OR4K17: variants seen among roughly 807,000 people sequenced by gnomAD.
OR4K17 encodes the protein olfactory receptor family 4 subfamily K member 17, also known as olfactory receptor 4K17.
For synonymous variants in OR4K17, 157 were observed against 132.8 expected (o/e 1.18, Z -1.25); for missense variants, 480 against 366.3 (o/e 1.31, Z -2.53).
rs141368873 is a variant in OR4K17 at position 20,118,286 on chromosome 14, G to T, written c.787G>T (p.Gly263Cys). 1.3e-5 allele frequency: 21 copies of T among 1,613,658 alleles called. No homozygotes were observed. The highest frequency in any genetic ancestry group is 1.8e-5 in the Non-Finnish European group (21 of 1,179,878). ...PCIFIYIWPFGNHSVDKFLAV... is the reference protein window; with the variant it reads ...PCIFIYIWPFCNHSVDKFLAV... Reference sequence around the variant, plus strand: ...CATCTTTATCTACATTTGGCCCTTCGGCAACCACTCTGTAGATAAGTTCCT... The same window carrying T: ...CATCTTTATCTACATTTGGCCCTTCTGCAACCACTCTGTAGATAAGTTCCT... Residue 263 changes from glycine to cysteine, a missense_variant, in exon 2 of 2, where the codon GGC becomes TGC. By Grantham distance (159) the Gly-to-Cys change is radical. Coordinates refer to ENST00000641386, the MANE Select transcript of OR4K17 (RefSeq NM_001004715.5).
At chr14:20,111,507 G>A (rs1458227426) in intron 1 of OR4K17, among the ~76,000 whole-genome samples, 2 of 151,938 alleles carry the variant, frequency 1.3e-5, no homozygotes, top group African/African-American at 4.8e-5. Flanking sequence ...AGAGAACTAG[G>A]CTGCTCCTAA....
At chr14:20,111,190 A>T (rs567243819) in intron 1 of OR4K17, among the ~76,000 whole-genome samples, 63 of 152,154 alleles carry the variant, frequency 4.1e-4, no homozygotes, top group African/African-American at 1.2e-3. Flanking sequence ...AGGCTTAAGT[A>T]TATGCTAGGA....
chr14:20,120,342 T>A lies in OR4K17; in HGVS notation c.*1904T>A, dbSNP rs979238131. The A allele has an allele frequency of 2.6e-5, 4 of 152,330 alleles. No homozygotes were observed. Among genetic ancestry groups the A allele is most frequent in the South Asian group, 4.1e-4 (2 of 4,824 alleles). 9.4% of individuals were successfully genotyped at this position (152,330 alleles called of 1,614,324 possible). On this transcript the variant is annotated 3_prime_UTR_variant, in exon 2 of 2. Transcript: ENST00000641386. Reference sequence around the variant, plus strand: ...TTGTAGCTTCCAAAATAAGAATTCATGAAGATACCTTTATGGTTGTTAATA... The same window carrying A: ...TTGTAGCTTCCAAAATAAGAATTCAAGAAGATACCTTTATGGTTGTTAATA...
rs1594196778 is a variant in OR4K17, at chr14:20,119,004, C to G, written c.*566C>G. 6.6e-6 allele frequency: 1 copy of G among 152,458 alleles called. No individual in the cohort carries two copies. The highest frequency in any genetic ancestry group is 2.4e-5 in the African/African-American group (1 of 41,476). The allele number at this position is 152,458 out of a possible 1,614,324, so 9.4% of individuals were successfully genotyped here. A position where few individuals can be genotyped will look rare whatever the true frequency, so the allele number is the denominator to read the frequency against. On this transcript the variant is annotated 3_prime_UTR_variant, in exon 2 of 2. Transcript: ENST00000641386. Reference sequence around the variant, plus strand: ...TGGGGCTTATTTCATCCCTTATCTACAGCCGTGTAAGACAGACATTGCCAG... The same window carrying G: ...TGGGGCTTATTTCATCCCTTATCTAGAGCCGTGTAAGACAGACATTGCCAG...
At position 20,117,772 on chromosome 14, in the gene OR4K17, A is replaced by G; in HGVS notation, c.273A>G (p.Val91=). 2 of 1,614,034 alleles carry G rather than the reference A, an allele frequency of 1.2e-6. No homozygotes were observed. The highest frequency in any genetic ancestry group is 1.7e-6 in the Non-Finnish European group (2 of 1,179,972). ...VILNLLKKQK[V]ISFAGCFTQI... is the part of the protein sequence containing the mutation. ...TGAACTTGTTAAAAAAGCAGAAGGT[A>G]ATTTCTTTTGCTGGGTGCTTCACTC... The change falls in exon 2 of 2, where the codon GTA becomes GTG. Residue 91 remains valine, a synonymous_variant. Transcript: ENST00000641386.
intron 1 of OR4K17, chr14:20,111,953 G>A (rs17277088): frequency 0.38 from 57,566 of 151,812 alleles, 11,543 homozygotes; most frequent in East Asian, 0.66. Flanking sequence ...AGCAATCCAA[G>A]ATCCACTTTC....
chr14:20,116,549 T>A (rs1032518123), intron 1 of OR4K17, among the ~76,000 whole-genome samples: 1 of 152,166 alleles, frequency 6.6e-6, no homozygotes, highest in Admixed American at 6.6e-5. Flanking sequence ...GTATAAATTG[T>A]TAAACCTGGT....
chr14:20,119,314 C>T lies in OR4K17; in HGVS notation c.*876C>T, dbSNP rs982527343. On this transcript the variant is annotated 3_prime_UTR_variant, in exon 2 of 2. Transcript: ENST00000641386. Reference sequence around the variant, plus strand: ...CCATTAACATAATCATCACAGGGTCCTGAGGCAACATACATCCTCAGCTTA... The same window carrying T: ...CCATTAACATAATCATCACAGGGTCTTGAGGCAACATACATCCTCAGCTTA... 6.6e-6 allele frequency: 1 copy of T among 152,072 alleles called. No homozygotes were observed. The highest frequency in any genetic ancestry group is 1.5e-5 in the Non-Finnish European group (1 of 68,018). The allele number at this position is 152,072 out of a possible 1,614,324, so 9.4% of individuals were successfully genotyped here. A position where few individuals can be genotyped will look rare whatever the true frequency, so the allele number is the denominator to read the frequency against.
chr14:20,117,901 C>T lies in OR4K17; in HGVS notation c.402C>T (p.Thr134=). The T allele has an allele frequency of 6.2e-7, 1 of 1,614,016 alleles. No homozygotes were observed. Among genetic ancestry groups the T allele is most frequent in the Admixed American group, 1.7e-5 (1 of 59,990 alleles). The part of the protein sequence containing the change: ...VAICKPLHYM[T]IMNKKVCVLL... ...TTTGTAAGCCCCTACACTACATGACCATCATGAACAAGAAGGTATGTGTTT... is the reference window on the plus strand; with the variant it reads ...TTTGTAAGCCCCTACACTACATGACTATCATGAACAAGAAGGTATGTGTTT... The change falls in exon 2 of 2, where the codon ACC becomes ACT. Residue 134 remains threonine, a synonymous_variant. Transcript: ENST00000641386.
At position 20,117,765 on chromosome 14, in the gene OR4K17, A is replaced by G. The variant is rs61733476; in HGVS notation, c.266A>G (p.Gln89Arg). 1.0e-2 allele frequency: 16,122 copies of G among 1,614,136 alleles called. 102 individuals are homozygous for G. Among genetic ancestry groups the G allele is most frequent in the Middle Eastern group, 0.022 (132 of 6,062 alleles). ...GTGATTCTGAACTTGTTAAAAAAGC[A>G]GAAGGTAATTTCTTTTGCTGGGTGC... Reference protein sequence around the residue: ...PKVILNLLKKQKVISFAGCFT... With the variant: ...PKVILNLLKKRKVISFAGCFT... The change falls in exon 2 of 2, where the codon CAG (glutamine) becomes CGG (arginine). Residue 89 changes from glutamine to arginine, a missense_variant. Physicochemically the swap from Gln to Arg is conservative, Grantham distance 43 (BLOSUM62 1). Transcript: ENST00000641386.
In OR4K17 at chr14:20,118,314, C is replaced by T. The variant is rs757227453; in HGVS notation, c.815C>T (p.Ala272Val). The T allele has an allele frequency of 6.2e-7, 1 of 1,613,186 alleles. No homozygotes were observed. Among genetic ancestry groups the T allele is most frequent in the South Asian group, 1.1e-5 (1 of 91,058 alleles). Residue 272 changes from alanine (A) to valine (V), a missense_variant, in exon 2 of 2, where the codon GCT becomes GTT. Transcript: ENST00000641386. ...AACCACTCTGTAGATAAGTTCCTTG[C>T]TGTGTTTTATACCATCATCACTCCT... ...FGNHSVDKFL[A>V]VFYTIITPIL...
chr14:20,115,337 A>T (rs1470141412), intron 1 of OR4K17, among the ~76,000 whole-genome samples: 1 of 152,112 alleles, frequency 6.6e-6, no homozygotes, highest in Non-Finnish European at 1.5e-5. Flanking sequence ...TTGTGGCATT[A>T]TTCAATATTT....
intron 1 of OR4K17, among the ~76,000 whole-genome samples, chr14:20,112,516 T>C (rs532287939): frequency 6.6e-6 from 1 of 152,156 alleles, no homozygotes; most frequent in African/African-American, 2.4e-5. Context: ...CAGAGTCACA[T>C]GGTGATGATA....
chr14:20,117,433 C>G, intron 1 of OR4K17, 35 bp from the exon 2 acceptor site: 1 of 1,605,490 alleles, frequency 6.2e-7, no homozygotes, highest in Non-Finnish European at 8.5e-7. Flanking sequence ...CACTCATACT[C>G]CATGGTATGA....
chr14:20,116,622 C>A (rs1877998880), intron 1 of OR4K17, among the ~76,000 whole-genome samples: 1 of 152,046 alleles, frequency 6.6e-6, no homozygotes, highest in Non-Finnish European at 1.5e-5. Flanking sequence ...AAGCAAGAAT[C>A]AAGACATTAG....
Position 20,118,524 on chromosome 14 carries a change from C to T in OR4K17, c.*86C>T. ...GGGAGGAATATCAGGGGAACCAGCC[C>T]CCAATATTTCAACATAGGTTCTTTT... is the stretch of plus-strand genomic sequence containing the variant. On this transcript the variant is annotated 3_prime_UTR_variant, in exon 2 of 2. Transcript: ENST00000641386. 2.8e-6 allele frequency: 2 copies of T among 724,486 alleles called. No homozygotes were observed. The highest frequency in any genetic ancestry group is 4.5e-6 in the Non-Finnish European group (2 of 442,974). The allele number at this position is 724,486 out of a possible 1,614,324, so 44.9% of individuals were successfully genotyped here.
At chr14:20,112,725 G>A (rs1314886776) in intron 1 of OR4K17, among the ~76,000 whole-genome samples, 1 of 152,066 alleles carries the variant, frequency 6.6e-6, no homozygotes, top group African/African-American at 2.4e-5. Context: ...CTGTCGAGGT[G>A]AGACACGGCA....
At chr14:20,114,828 G>A (rs991802433) in intron 1 of OR4K17, among the ~76,000 whole-genome samples, 6 of 152,016 alleles carry the variant, frequency 3.9e-5, no homozygotes, top group African/African-American at 1.2e-4. Context: ...TTTAAGTAAC[G>A]TCTTGCCTAT....
At position 20,118,328 on chromosome 14, in the gene OR4K17, A is replaced by G. The variant is rs143790793; in HGVS notation, c.829A>G (p.Ile277Val). 8.1e-6 allele frequency: 13 copies of G among 1,612,636 alleles called. No individual in the cohort carries two copies. Among genetic ancestry groups the G allele is most frequent in the Non-Finnish European group, 1.1e-5 (13 of 1,178,780 alleles). Residue 277 changes from isoleucine to valine, a missense_variant, in exon 2 of 2, where the codon ATC becomes GTC. By Grantham distance (29) the Ile-to-Val change is conservative. Coordinates refer to ENST00000641386, the MANE Select transcript of OR4K17 (RefSeq NM_001004715.5). ...VDKFLAVFYT[I>V]ITPILNPIIY... ...TAAGTTCCTTGCTGTGTTTTATACC[A>G]TCATCACTCCTATCTTGAATCCAAT...
Sources: gnomAD v4.1 joint callset for allele counts (sites outside exome capture counted in the v4.1 genomes callset) on GRCh38, gnomAD v4.1.1 for gene constraint, MANE v1.5 for transcripts, NCBI Gene and HGNC (gene_info 2026-07-23, HGNC 2026-07-21) for gene names.